The following TMEM245 variants were observed in gnomAD, a reference collection of about 807,000 sequenced individuals.
TMEM245 encodes the protein protein CG-2.
In TMEM245, 69 loss-of-function variants were observed where a neutral mutation model predicts 101.2. That is an observed-to-expected ratio of 0.68 (90% CI 0.56 to 0.83). The LOEUF (loss-of-function observed/expected upper bound fraction) is 0.83, where lower values mean the gene tolerates loss of function less well. Among genes scored for constraint, TMEM245 ranks in the 40% least tolerant of loss-of-function variants. TMEM245 has a pLI of 0.00. For synonymous variants in TMEM245, 537 were observed against 449.8 expected, an observed-to-expected ratio of 1.19 and a Z score of -2.45; for missense variants, 1,075 against 1,092.8, an observed-to-expected ratio of 0.98 and a Z score of 0.23.
chr9:109,033,888 T>C (rs1053471576), intron 16 of TMEM245, among the ~76,000 whole-genome samples: 4 of 152,238 alleles, frequency 2.6e-5, no homozygotes, highest in Non-Finnish European at 5.9e-5. Context: ...CAATTTAGCA[T>C]GTAATTCAGT....
intron 12 of TMEM245, among the ~76,000 whole-genome samples, chr9:109,050,950 A>G (rs1828660721): frequency 6.6e-6 from 1 of 152,050 alleles, no homozygotes; most frequent in African/African-American, 2.4e-5. Flanking sequence ...ACATGGGAAA[A>G]TATTTTACAA....
At position 109,073,366 on chromosome 9, in the gene TMEM245, C is replaced by G; in HGVS notation, c.1522G>C (p.Glu508Gln). ...LINETLANHP[E>Q]WANWLPEAQV... ...AAACAATATTCTTACTTTGCCCACT[C>G]AGGGTGATTTGCTAGAGTTTCATTA... Residue 508 changes from glutamate to glutamine, a missense_variant, in exon 9 of 18, where the codon GAG becomes CAG. Transcript: ENST00000374586. 6.2e-7 allele frequency: 1 copy of G among 1,612,556 alleles called. No homozygotes were observed. Among genetic ancestry groups the G allele is most frequent in the Non-Finnish European group, 8.5e-7 (1 of 1,179,062 alleles).
chr9:109,076,905 G>A (rs1031195214), intron 8 of TMEM245, among the ~76,000 whole-genome samples: 18 of 151,902 alleles, frequency 1.2e-4, no homozygotes, highest in Non-Finnish European at 2.6e-4. Context: ...TGTTGCCCAG[G>A]CTGGTCTCAA....
At chr9:109,115,518 G>GA (rs1725144840) in intron 1 of TMEM245, among the ~76,000 whole-genome samples, 1 of 138,032 alleles carries the variant, frequency 7.2e-6, no homozygotes, top group Non-Finnish European at 1.6e-5. Flanking sequence ...CTAGTAACTG[G>GA]AATCTTTTTT....
At chr9:109,049,441 T>G (rs2132384659) in intron 14 of TMEM245, among the ~76,000 whole-genome samples, 2 of 152,300 alleles carry the variant, frequency 1.3e-5, no homozygotes, top group East Asian at 3.9e-4. Context: ...GTCAAATTCC[T>G]GAGCTCGAAC....
In TMEM245 at chr9:109,036,119, C is replaced by A. The variant is rs1405142825; in HGVS notation, c.2399+87G>T. On this transcript the variant is annotated intron_variant, in intron 16 of 17. Coordinates refer to ENST00000374586, the MANE Select transcript of TMEM245 (RefSeq NM_032012.4). ...TCCTACTACCAGTTCTTTTGTATACCCCCAGGAGAAAAAAATCCTCCTTTA... is the reference window on the plus strand; with the variant it reads ...TCCTACTACCAGTTCTTTTGTATACACCCAGGAGAAAAAAATCCTCCTTTA... 1.2e-5 allele frequency: 14 copies of A among 1,160,974 alleles called. No homozygotes were observed. In the Admixed American group the frequency reaches 1.3e-4, roughly 11 times the overall value. 71.9% of individuals were successfully genotyped at this position (1,160,974 alleles called of 1,614,324 possible).
At chr9:109,088,168 G>T (rs1003160954) in intron 5 of TMEM245, among the ~76,000 whole-genome samples, 1 of 152,234 alleles carries the variant, frequency 6.6e-6, no homozygotes, top group Non-Finnish European at 1.5e-5. Flanking sequence ...TAACTCTAGA[G>T]ATTTGTGTTC....
At chr9:109,065,248 A>C (rs1829132434) in intron 9 of TMEM245, among the ~76,000 whole-genome samples, 1 of 152,240 alleles carries the variant, frequency 6.6e-6, no homozygotes, top group African/African-American at 2.4e-5. Flanking sequence ...CAGGGTTCTC[A>C]AAGTGTGGTC....
intron 17 of TMEM245, among the ~76,000 whole-genome samples, chr9:109,030,244 AGTCCTTATT>A (rs112929879): frequency 0.15 from 22,966 of 152,104 alleles, 1,962 homozygotes; most frequent in African/African-American, 0.2. Context: ...GAGAAGGCAA[AGTCCTTATT>A]GTCCTTATTT....
chr9:109,031,261 CAT>C (rs1342801601), intron 17 of TMEM245, among the ~76,000 whole-genome samples: 1 of 152,154 alleles, frequency 6.6e-6, no homozygotes, highest in Non-Finnish European at 1.5e-5. Context: ...CACCAAAAGA[CAT>C]GTACAAAAAC....
chr9:109,078,795 A>G (rs905672026), intron 8 of TMEM245, among the ~76,000 whole-genome samples: 4 of 152,220 alleles, frequency 2.6e-5, no homozygotes, highest in African/African-American at 4.8e-5. Context: ...TTCACCAAAC[A>G]TGGGAAAGTT....
At chr9:109,089,796 T>C (rs184144138) in intron 5 of TMEM245, among the ~76,000 whole-genome samples, 31 of 152,358 alleles carry the variant, frequency 2.0e-4, no homozygotes, top group Non-Finnish European at 3.8e-4. Context: ...TAATGGATTA[T>C]GGAAAACTAT....
intron 5 of TMEM245, among the ~76,000 whole-genome samples, 154 bp downstream of exon 5, chr9:109,090,768 C>T (rs962936793): frequency 1.3e-5 from 2 of 150,288 alleles, no homozygotes; most frequent in African/African-American, 2.4e-5. Context: ...AATAAATTAA[C>T]CAAATGGTGT....
Position 109,119,800 on chromosome 9 carries a change from C to T in TMEM245, c.114G>A (p.Arg38=), listed in dbSNP as rs554198513. The T allele has an allele frequency of 8.2e-6, 12 of 1,457,168 alleles. No homozygotes were observed. The East Asian group carries it at 9.0e-5, about 11-fold the overall frequency. 90.3% of individuals were successfully genotyped at this position (1,457,168 alleles called of 1,614,324 possible). A position where few individuals can be genotyped will look rare whatever the true frequency, so the allele number is the denominator to read the frequency against. Residue 38 remains arginine, a synonymous_variant, in exon 1 of 18, where the codon CGG becomes CGA. Transcript: ENST00000374586. ...GPSGGGGETP[R]TAALALRFDK... The stretch of plus-strand genomic sequence containing the variant: ...CGAAGCGCAGCGCCAGCGCCGCGGT[C>T]CGCGGGGTCTCCCCGCCACCGCCAC...
intron 17 of TMEM245, among the ~76,000 whole-genome samples, chr9:109,028,340 G>A (rs1007728643): frequency 7.9e-5 from 12 of 151,670 alleles, no homozygotes; most frequent in African/African-American, 2.4e-4. Context: ...TGTAATCCCC[G>A]CTACTCGGGA....
chr9:109,041,400 G>A lies in TMEM245; in HGVS notation c.2124-3283C>T, dbSNP rs9695414. On this transcript the variant is annotated intron_variant, in intron 14 of 17. Transcript: ENST00000374586. ...GATAGACAAATACTGCATGTGGAAT[G>A]TAAGAGTTGAACTCATAGAAGTAGA... Among the ~76,000 whole-genome samples the A allele has an allele frequency of 4.9e-3, 722 of 148,592 alleles. 6 individuals are homozygous for A. The highest frequency in any genetic ancestry group is 0.017 in the African/African-American group (702 of 40,584).
intron 3 of TMEM245, among the ~76,000 whole-genome samples, chr9:109,095,086 A>G (rs903728398): frequency 2.0e-5 from 3 of 152,180 alleles, no homozygotes; most frequent in Admixed American, 2.0e-4. Context: ...GTGACCTGAA[A>G]GAGTTCATTT....
At chr9:109,107,259 C>T (rs532588868) in intron 2 of TMEM245, among the ~76,000 whole-genome samples, 4 of 151,782 alleles carry the variant, frequency 2.6e-5, no homozygotes, top group East Asian at 1.9e-4. Flanking sequence ...ATTAGCCAGG[C>T]GTGGTGGTAC....
At position 109,119,785 on chromosome 9, in the gene TMEM245, C is replaced by A. The variant is rs1459805887; in HGVS notation, c.129G>T (p.Ala43=). ...GCTTAATGGGCTTGTCGAAGCGCAG[C>A]GCCAGCGCCGCGGTCCGCGGGGTCT... is the stretch of plus-strand genomic sequence containing the variant. ...GGETPRTAAL[A]LRFDKPIKQA... is the part of the protein sequence containing the mutation. Residue 43 remains alanine (A), a synonymous_variant, in exon 1 of 18, where the codon GCG becomes GCT. Transcript: ENST00000374586. 2 of 1,473,454 alleles carry A rather than the reference C, an allele frequency of 1.4e-6. No homozygotes were observed. The highest frequency in any genetic ancestry group is 2.9e-5 in the East Asian group (1 of 34,110). The allele number at this position is 1,473,454 out of a possible 1,614,324, so 91.3% of individuals were successfully genotyped here. A position where few individuals can be genotyped will look rare whatever the true frequency, so the allele number is the denominator to read the frequency against.
Sources: gnomAD v4.1 joint callset for allele counts (sites outside exome capture counted in the v4.1 genomes callset) on GRCh38, gnomAD v4.1.1 for gene constraint, MANE v1.5 for transcripts, NCBI Gene and HGNC (gene_info 2026-07-23, HGNC 2026-07-21) for gene names.